Variants in ZNF239 observed in about 807,000 individuals in gnomAD.
ZNF239 encodes the protein zinc finger protein 239.
In ZNF239, 16 loss-of-function variants were observed where a neutral mutation model predicts 27.5. The observed-to-expected ratio is 0.58, with a 90% CI of 0.39 to 0.88. The LOEUF is 0.88. ZNF239 is among the 40% of genes least tolerant of loss of function. The pLI, the probability that ZNF239 is intolerant of heterozygous loss-of-function variation, is 0.00. For missense variants in ZNF239, 527 were observed against 551.9 expected (o/e 0.95, Z 0.45); for synonymous variants, 199 against 192.6 (o/e 1.03, Z -0.27).
In ZNF239 at chr10:43,557,788, T is replaced by C. The variant is rs1042877346; in HGVS notation, c.292A>G (p.Met98Val). ...ACTTTTCTCTCAGTGCTTTCTTCCA[T>C]TACAAAGAGACGTCTGCTTTCCTGA... Reference protein sequence around the residue: ...DHQESRRLFVMEESTERKVIK... With the variant: ...DHQESRRLFVVEESTERKVIK... The change falls in exon 4 of 4, where the codon ATG becomes GTG. Residue 98 changes from methionine to valine, a missense_variant. Transcript: ENST00000374446. 1 of 1,614,184 alleles carries C rather than the reference T, an allele frequency of 6.2e-7. No individual in the cohort carries two copies. Among genetic ancestry groups the C allele is most frequent in the Admixed American group, 1.7e-5 (1 of 60,026 alleles).
At chr10:43,561,878 A>G (rs1837276763) in intron 3 of ZNF239, among the ~76,000 whole-genome samples, 1 of 152,220 alleles carries the variant, frequency 6.6e-6, no homozygotes, top group African/African-American at 2.4e-5. Flanking sequence ...AAAGAAAAAA[A>G]TAAACAAAAC....
At chr10:43,570,295 G>T in intron 2 of ZNF239, 2 of 985,286 alleles carry the variant, frequency 2.0e-6, no homozygotes, top group Non-Finnish European at 2.4e-6. Context: ...GGAAAAGGAG[G>T]CTCAAGCCCC....
Position 43,557,587 on chromosome 10 carries a change from C to T in ZNF239, c.493G>A (p.Val165Ile). The change falls in exon 4 of 4, where the codon GTC becomes ATC. Residue 165 changes from valine to isoleucine, a missense_variant. Coordinates refer to ENST00000374446, the MANE Select transcript of ZNF239 (RefSeq NM_001099282.2). ...KDIHGWKSQVVSCSQQRAHTE... is the reference protein window; with the variant it reads ...KDIHGWKSQVISCSQQRAHTE... ...TGAGCTCTCTGCTGACTACAACTGA[C>T]CACCTGTGATTTCCATCCATGAATG... 3 of 1,614,168 alleles carry T rather than the reference C, an allele frequency of 1.9e-6. No homozygotes were observed. The highest frequency in any genetic ancestry group is 1.3e-5 in the African/African-American group (1 of 75,062).
rs879078828 is a variant in ZNF239 at position 43,557,303 on chromosome 10, A to G, written c.777T>C (p.Asp259=). 1.2e-5 allele frequency: 19 copies of G among 1,612,716 alleles called. No homozygotes were observed. Among genetic ancestry groups the G allele is most frequent in the Non-Finnish European group, 1.5e-5 (18 of 1,179,556 alleles). ...SLLIHQAVHT[D]EKPYKCDKCG... The stretch of plus-strand genomic sequence containing the variant: ...ACTTGTCACACTTATAAGGCTTCTC[A>G]TCTGTGTGGACTGCCTGATGGATAA... Residue 259 remains aspartate, a synonymous_variant, in exon 4 of 4, where the codon GAT becomes GAC. Transcript: ENST00000374446.
intron 2 of ZNF239, chr10:43,568,432 A>C: frequency 6.1e-6 from 6 of 985,428 alleles, no homozygotes; most frequent in Non-Finnish European, 7.2e-6. Context: ...ACATTTCATC[A>C]AACTGTAATA....
At chr10:43,573,267 G>A (rs933877013) in intron 2 of ZNF239, among the ~76,000 whole-genome samples, 6 of 152,184 alleles carry the variant, frequency 3.9e-5, no homozygotes, top group Admixed American at 1.3e-4. Flanking sequence ...GAAAAGCACC[G>A]TGGTTTATCA....
chr10:43,567,609 T>G (rs1171861615), intron 3 of ZNF239, among the ~76,000 whole-genome samples: 1 of 152,196 alleles, frequency 6.6e-6, no homozygotes, highest in Non-Finnish European at 1.5e-5. Context: ...TCTTTGAGGT[T>G]CACTTGCTAT....
chr10:43,557,255 G>T lies in ZNF239; in HGVS notation c.825C>A (p.Ser275Arg). The change falls in exon 4 of 4, where the codon AGC (serine) becomes AGA (arginine). Residue 275 changes from serine (S) to arginine (R), a missense_variant. Coordinates refer to ENST00000374446, the MANE Select transcript of ZNF239 (RefSeq NM_001099282.2). Reference sequence around the variant, plus strand: ...CGGCATGATGGATGAGCAGACTTGAGCTCCTGGTGAAGCCCTTCCCACACT... The same window carrying T: ...CGGCATGATGGATGAGCAGACTTGATCTCCTGGTGAAGCCCTTCCCACACT... ...CDKCGKGFTRSSSLLIHHAVH... is the reference protein window; with the variant it reads ...CDKCGKGFTRRSSLLIHHAVH... 1 of 1,613,862 alleles carries T rather than the reference G, an allele frequency of 6.2e-7. No homozygotes were observed. Among genetic ancestry groups the T allele is most frequent in the South Asian group, 1.1e-5 (1 of 91,048 alleles).
At chr10:43,565,979 T>A (rs1437863713) in intron 3 of ZNF239, among the ~76,000 whole-genome samples, 2 of 151,964 alleles carry the variant, frequency 1.3e-5, no homozygotes, top group Non-Finnish European at 2.9e-5. Flanking sequence ...ATAAAACTGA[T>A]AATGGTAAAT....
chr10:43,571,162 A>G (rs778201022), intron 2 of ZNF239, among the ~76,000 whole-genome samples: 3 of 151,648 alleles, frequency 2.0e-5, no homozygotes, highest in African/African-American at 7.3e-5. Flanking sequence ...CACAAGTTCA[A>G]TTGTTTCCTG....
chr10:43,569,453 G>A (rs1285153962), intron 2 of ZNF239, among the ~76,000 whole-genome samples: 1 of 148,378 alleles, frequency 6.7e-6, no homozygotes, highest in East Asian at 1.9e-4. Context: ...TGGCCCATGA[G>A]GCTCTCCTGT....
chr10:43,564,411 G>A lies in ZNF239; in HGVS notation c.-93+3488C>T, dbSNP rs141282270. 2.4e-4 allele frequency: 70 copies of A among 295,350 alleles called. No homozygotes were observed. The East Asian group carries it at 8.0e-3, about 34-fold the overall frequency. 18.3% of individuals were successfully genotyped at this position (295,350 alleles called of 1,614,324 possible). A position where few individuals can be genotyped will look rare whatever the true frequency, so the allele number is the denominator to read the frequency against. On this transcript the variant is annotated intron_variant, in intron 3 of 3. Coordinates refer to ENST00000374446, the MANE Select transcript of ZNF239 (RefSeq NM_001099282.2). ...GACTAATTTTTACCCTATTTTAAGC[G>A]TTAAACAGAATGACTTTAGGGCAAC... is the stretch of plus-strand genomic sequence containing the variant.
At chr10:43,560,625 C>T (rs151055448) in intron 3 of ZNF239, among the ~76,000 whole-genome samples, 3,837 of 128,498 alleles carry the variant, frequency 0.03, 196 homozygotes, top group African/African-American at 0.11. Context: ...AAAACCTCAG[C>T]TAGCTCTGCC....
At position 43,556,756 on chromosome 10, in the gene ZNF239, G is replaced by T; in HGVS notation, c.1324C>A (p.Gln442Lys). 1 of 1,614,140 alleles carries T rather than the reference G, an allele frequency of 6.2e-7. No homozygotes were observed. The highest frequency in any genetic ancestry group is 8.5e-7 in the Non-Finnish European group (1 of 1,180,026). ...TGGTGGATGTGAAGGTTGGAGCTCT[G>T]GCTGAAGCCCTTCCCACACTTGCTG... ...ECSKCGKGFS[Q>K]SSNLHIHQRV... The change falls in exon 4 of 4, where the codon CAG becomes AAG. Residue 442 changes from glutamine (Q) to lysine (K), a missense_variant. Transcript: ENST00000374446.
At chr10:43,572,590 G>A (rs954670288) in intron 2 of ZNF239, among the ~76,000 whole-genome samples, 17 of 152,304 alleles carry the variant, frequency 1.1e-4, no homozygotes, top group Middle Eastern at 6.8e-3. Flanking sequence ...CTGGCCTTCT[G>A]CTCTCTGAAA....
At chr10:43,568,251 A>T (rs1343759002) in intron 2 of ZNF239, 1 of 985,290 alleles carries the variant, frequency 1.0e-6, no homozygotes, top group African/African-American at 1.7e-5. Flanking sequence ...TCTACGCTCA[A>T]GTTCTCAGCT....
In ZNF239 at chr10:43,557,259, CTGG is replaced by C. The variant is rs774987802; in HGVS notation, c.818_820del (p.Thr273del). 2.2e-5 allele frequency: 35 copies of C among 1,607,044 alleles called. No individual in the cohort carries two copies. The Admixed American group carries it at 5.7e-4, about 26-fold the overall frequency. On this transcript the variant is annotated inframe_deletion, in exon 4 of 4. Transcript: ENST00000374446. ...ATGATGGATGAGCAGACTTGAGCTCCTGGTGAAGCCCTTCCCACACTTGTCACA... is the reference window on the plus strand; with the variant it reads ...ATGATGGATGAGCAGACTTGAGCTCCTGAAGCCCTTCCCACACTTGTCACA...
intron 2 of ZNF239, among the ~76,000 whole-genome samples, 182 bp downstream of exon 2, chr10:43,573,455 G>A (rs1488699434): frequency 6.6e-6 from 1 of 152,210 alleles, no homozygotes; most frequent in Non-Finnish European, 1.5e-5. Flanking sequence ...ATGGGCCAGT[G>A]AAAACTCTCT....
At chr10:43,562,625 A>G (rs920657008) in intron 3 of ZNF239, among the ~76,000 whole-genome samples, 1 of 152,252 alleles carries the variant, frequency 6.6e-6, no homozygotes, top group African/African-American at 2.4e-5. Context: ...AACAGCTAGA[A>G]AGGTGAAAAC....
Sources: allele counts gnomAD v4.1 joint callset (sites outside exome capture counted in the v4.1 genomes callset), GRCh38; gene constraint gnomAD v4.1.1; transcripts MANE v1.5; gene names NCBI Gene and HGNC (gene_info 2026-07-23, HGNC 2026-07-21).